The following GSE1 variants were observed in gnomAD, a reference collection of about 807,000 sequenced individuals.
GSE1 encodes the protein Gse1 coiled-coil protein.
A neutral mutation model predicts 112.6 loss-of-function variants in GSE1; 32 were observed. That is an observed-to-expected ratio of 0.28 (90% CI 0.21 to 0.38). GSE1 has a LOEUF of 0.38. Ranked by LOEUF, GSE1 falls within the 10% of genes least tolerant of loss-of-function variation. GSE1 has a pLI of 1.00. For synonymous variants in GSE1, 1,115 were observed against 735.6 expected, an observed-to-expected ratio of 1.52 and a Z score of -8.35; for missense variants, 2,348 against 1,699.2, an observed-to-expected ratio of 1.38 and a Z score of -6.71.
At chr16:85,584,580 C>G (rs74031865) in intron 1 of GSE1, among the ~76,000 whole-genome samples, 3,275 of 152,242 alleles carry the variant, frequency 0.022, 122 homozygotes, top group African/African-American at 0.073. Context: ...GTTTCCCCCA[C>G]CCCTCCCTCT....
chr16:85,612,395 T>A (rs1384471543), upstream of GSE1, among the ~76,000 whole-genome samples: 2 of 151,414 alleles, frequency 1.3e-5, no homozygotes, highest in South Asian at 2.1e-4. Flanking sequence ...GGGTGGGGGG[T>A]GCCAGGAATG....
intron 1 of GSE1, among the ~76,000 whole-genome samples, chr16:85,348,474 A>G (rs1390514600): frequency 6.6e-6 from 1 of 152,174 alleles, no homozygotes; most frequent in East Asian, 1.9e-4. Context: ...ACTCCCGCCC[A>G]GGTCCCAGCT....
chr16:85,189,434 G>A (rs2074778226), intron 1 of GSE1, among the ~76,000 whole-genome samples: 2 of 152,130 alleles, frequency 1.3e-5, no homozygotes, highest in African/African-American at 2.4e-5. Flanking sequence ...TGTGGGAGTG[G>A]CATTCCTGAA....
chr16:85,234,488 ATGGGC>A (rs1904393808), intron 1 of GSE1, among the ~76,000 whole-genome samples: 1 of 152,160 alleles, frequency 6.6e-6, no homozygotes, highest in Non-Finnish European at 1.5e-5. Flanking sequence ...CTGGAGACGG[ATGGGC>A]GGTTAGGTGG....
At chr16:85,277,834 C>T (rs1909520845) in intron 1 of GSE1, among the ~76,000 whole-genome samples, 2 of 152,248 alleles carry the variant, frequency 1.3e-5, no homozygotes, top group South Asian at 2.1e-4. Context: ...TGTGGCAGAC[C>T]CCAGGCCGGC....
intron 1 of GSE1, chr16:85,284,903 A>C (rs1284107525): frequency 3.3e-5 from 5 of 152,368 alleles, no homozygotes; most frequent in African/African-American, 1.2e-4. Context: ...CTGTAATCAC[A>C]GACCAGAATT....
At chr16:85,590,226 G>A (rs567446921) in intron 1 of GSE1, among the ~76,000 whole-genome samples, 25 of 152,136 alleles carry the variant, frequency 1.6e-4, no homozygotes, top group African/African-American at 6.0e-4. Flanking sequence ...GTGTGACCTT[G>A]TGTGCGTGTG....
In GSE1 at chr16:85,303,706, C is replaced by T. The variant is rs1447776336; in HGVS notation, c.2284-53757C>T. 3.3e-5 allele frequency among the ~76,000 whole-genome samples: 5 copies of T among 152,254 alleles called. No homozygotes were observed. The South Asian group carries it at 1.0e-3, about 31-fold the overall frequency. ...TGCGGGCAGGAGCCGGGCGCTGGGGCCACAGGCACCGGCCGCCGCCTCCCG... is the reference window on the plus strand; with the variant it reads ...TGCGGGCAGGAGCCGGGCGCTGGGGTCACAGGCACCGGCCGCCGCCTCCCG... On this transcript the variant is annotated intron_variant, in intron 1 of 2. Transcript: ENST00000637419.
chr16:85,632,778 C>T (rs1411420291), intron 1 of GSE1, among the ~76,000 whole-genome samples: 1 of 152,122 alleles, frequency 6.6e-6, no homozygotes, highest in Non-Finnish European at 1.5e-5. Flanking sequence ...CCCCAGCGCC[C>T]CCCCGCCCCA....
chr16:85,672,175 T>G, intron 15 of GSE1: 1 of 521,260 alleles, frequency 1.9e-6, no homozygotes, highest in Non-Finnish European at 3.6e-6. Context: ...ATTTTTTTGT[T>G]TAGTAGATGG....
chr16:85,275,402 T>C (rs889684328), intron 1 of GSE1, among the ~76,000 whole-genome samples: 2 of 151,970 alleles, frequency 1.3e-5, no homozygotes, highest in African/African-American at 4.8e-5. Context: ...GAGCCAGGGG[T>C]GCTGAGGGCT....
intron 1 of GSE1, among the ~76,000 whole-genome samples, chr16:85,346,778 G>A (rs2046750441): frequency 6.6e-6 from 1 of 151,212 alleles, no homozygotes; most frequent in Non-Finnish European, 1.5e-5. Flanking sequence ...ACGGTGGATG[G>A]ATGGATGGAT....
chr16:85,315,125 C>T (rs2045960090), intron 1 of GSE1, among the ~76,000 whole-genome samples: 1 of 152,010 alleles, frequency 6.6e-6, no homozygotes, highest in African/African-American at 2.4e-5. Flanking sequence ...CACAGTGGGC[C>T]TTAACATCTT....
At chr16:85,583,766 G>T (rs1040035904) in intron 1 of GSE1, among the ~76,000 whole-genome samples, 1 of 152,120 alleles carries the variant, frequency 6.6e-6, no homozygotes, top group African/African-American at 2.4e-5. Context: ...CCCGCCCCCC[G>T]TCCTCCTCCT....
chr16:85,204,166 C>G (rs542486627), intron 1 of GSE1, among the ~76,000 whole-genome samples: 2 of 152,214 alleles, frequency 1.3e-5, no homozygotes, highest in African/African-American at 2.4e-5. Flanking sequence ...TTGTGAATCT[C>G]CTTTCCGTCT....
intron 2 of GSE1, among the ~76,000 whole-genome samples, chr16:85,417,066 G>T (rs2048719877): frequency 6.6e-6 from 1 of 152,324 alleles, no homozygotes; most frequent in Non-Finnish European, 1.5e-5. Flanking sequence ...ATGTTGCCCA[G>T]GCTGGTCTCA....
At chr16:85,652,545 AGGCGGCGGCGGC>A (rs142500416) in intron 3 of GSE1, among the ~76,000 whole-genome samples, 1 of 150,842 alleles carries the variant, frequency 6.6e-6, no homozygotes, top group East Asian at 2.0e-4. Context: ...TGAAGATTCC[AGGCGGCGGCGGC>A]GGCGGCGGCT....
chr16:85,437,059 G>T (rs1000991605), intron 2 of GSE1, among the ~76,000 whole-genome samples: 5 of 152,224 alleles, frequency 3.3e-5, no homozygotes, highest in Non-Finnish European at 5.9e-5. Flanking sequence ...GCGGGGGCGG[G>T]GGCATGGGCG....
At chr16:85,493,790 C>CAAAA (rs61555687) in intron 2 of GSE1, among the ~76,000 whole-genome samples, 1 of 84,410 alleles carries the variant, frequency 1.2e-5, no homozygotes, top group Non-Finnish European at 2.3e-5. Context: ...GACTCCGTCT[C>CAAAA]AAAAAAAAAA....
Sources: allele counts gnomAD v4.1 joint callset (sites outside exome capture counted in the v4.1 genomes callset), GRCh38; gene constraint gnomAD v4.1.1; transcripts MANE v1.5; gene names NCBI Gene and HGNC (gene_info 2026-07-23, HGNC 2026-07-21).